TRPC7: variants seen among roughly 807,000 people sequenced by gnomAD.
The protein encoded by TRPC7 is transient receptor potential cation channel subfamily C member 7.
A neutral mutation model predicts 90.1 loss-of-function variants in TRPC7; 42 were observed. The ratio of observed to expected loss-of-function variants is 0.47; its 90% confidence interval spans 0.36 to 0.60. The LOEUF (loss-of-function observed/expected upper bound fraction) is 0.60, where lower values mean the gene tolerates loss of function less well. Ranked by LOEUF, TRPC7 falls within the 20% of genes least tolerant of loss-of-function variation. The pLI is 0.00. For missense variants in TRPC7, 955 were observed against 1,112.3 expected (o/e 0.86, Z 2.01); for synonymous variants, 451 against 436.3 (o/e 1.03, Z -0.42).
In TRPC7 at chr5:136,216,309, G is replaced by A. The variant is rs147290355; in HGVS notation, c.2344-34C>T. On this transcript the variant is annotated intron_variant, in intron 10 of 11. Transcript: ENST00000513104. ...CCAAGCAAGGAAGGGATCAGACAGGGCTGGCCTAATGCAGAGGCAGCCTGC... is the reference window on the plus strand; with the variant it reads ...CCAAGCAAGGAAGGGATCAGACAGGACTGGCCTAATGCAGAGGCAGCCTGC... The A allele has an allele frequency of 8.5e-3, 13,376 of 1,575,438 alleles. 68 individuals carry two copies. The highest frequency in any genetic ancestry group is 0.01 in the Non-Finnish European group (11,524 of 1,151,444).
chr5:136,256,541 C>T (rs1198382167), intron 5 of TRPC7, among the ~76,000 whole-genome samples: 1 of 140,786 alleles, frequency 7.1e-6, no homozygotes, highest in Non-Finnish European at 1.6e-5. Context: ...CATATCCTTA[C>T]CCAGTATTCC....
At chr5:136,331,636 A>G (rs914838015) in intron 2 of TRPC7, among the ~76,000 whole-genome samples, 3 of 152,208 alleles carry the variant, frequency 2.0e-5, no homozygotes, top group African/African-American at 7.2e-5. Context: ...AAAGCTTGAG[A>G]GGTTTCCAGA....
rs553050414 is a variant in TRPC7 at position 136,247,556 on chromosome 5, T to A, written c.1759A>T (p.Ile587Phe). The change falls in exon 7 of 12, where the codon ATC becomes TTC. Residue 587 changes from isoleucine to phenylalanine, a missense_variant. Ile to Phe is a conservative substitution (Grantham distance 21). Around this residue, in one of 4 missense-constraint regions of TRPC7, gnomAD observed 296 missense variants for 422.7 expected, o/e 0.70. Coordinates refer to ENST00000513104, the MANE Select transcript of TRPC7 (RefSeq NM_020389.3). This position sits in a 1 kb window ranked among gnomAD's most constrained non-coding sequence, Gnocchi z 4.2. ...ATCATGAAGGCCACAAATACCATGATGAAAATGACCATGAACTTGAAGATA... is the reference window on the plus strand; with the variant it reads ...ATCATGAAGGCCACAAATACCATGAAGAAAATGACCATGAACTTGAAGATA... ...KDIFKFMVIF[I>F]MVFVAFMIGM... 1 of 1,613,840 alleles carries A rather than the reference T, an allele frequency of 6.2e-7. No individual in the cohort carries two copies. Among genetic ancestry groups the A allele is most frequent in the Admixed American group, 1.7e-5 (1 of 60,000 alleles).
chr5:136,260,401 C>T (rs538456736), intron 5 of TRPC7, among the ~76,000 whole-genome samples: 47 of 152,136 alleles, frequency 3.1e-4, no homozygotes, highest in African/African-American at 1.0e-3. Flanking sequence ...GTTGAAAGGC[C>T]TCACTCTGCG....
At chr5:136,253,179 C>T (rs1187026792) in intron 5 of TRPC7, among the ~76,000 whole-genome samples, 1 of 152,138 alleles carries the variant, frequency 6.6e-6, no homozygotes, top group Non-Finnish European at 1.5e-5. Context: ...TTGTTAATTT[C>T]ACCTATTTGT....
At chr5:136,278,911 G>A (rs944321547) in intron 3 of TRPC7, among the ~76,000 whole-genome samples, 5 of 151,910 alleles carry the variant, frequency 3.3e-5, no homozygotes, top group East Asian at 1.9e-4. Flanking sequence ...CCCCTGACTC[G>A]TCTTCCACTT....
intron 4 of TRPC7, among the ~76,000 whole-genome samples, chr5:136,274,227 A>G (rs1422757678): frequency 6.6e-6 from 1 of 152,208 alleles, no homozygotes. Context: ...TTCATAAAGC[A>G]TACATGTCAT....
At chr5:136,289,362 A>G (rs1318759666) in intron 3 of TRPC7, among the ~76,000 whole-genome samples, 1 of 152,240 alleles carries the variant, frequency 6.6e-6, no homozygotes, top group Non-Finnish European at 1.5e-5. Flanking sequence ...TCACCTGGGA[A>G]GTGCAAGGAG....
At chr5:136,338,825 T>C (rs1759749936) in intron 2 of TRPC7, among the ~76,000 whole-genome samples, 1 of 152,126 alleles carries the variant, frequency 6.6e-6, no homozygotes, top group African/African-American at 2.4e-5. Context: ...TTATAACTCA[T>C]GGGCTGTTGG....
chr5:136,362,564 G>A (rs569161975), intron 1 of TRPC7, among the ~76,000 whole-genome samples: 1 of 152,208 alleles, frequency 6.6e-6, no homozygotes, highest in South Asian at 2.1e-4. Context: ...CTATTACATG[G>A]TTTAGGTGCT....
intron 1 of TRPC7, among the ~76,000 whole-genome samples, chr5:136,362,876 A>G (rs1381412296): frequency 6.6e-6 from 1 of 151,950 alleles, no homozygotes; most frequent in Non-Finnish European, 1.5e-5. Context: ...GGTGCCCTGT[A>G]CTCCTGATGC....
At chr5:136,308,003 T>C (rs1758702667) in intron 3 of TRPC7, among the ~76,000 whole-genome samples, 1 of 152,174 alleles carries the variant, frequency 6.6e-6, no homozygotes, top group African/African-American at 2.4e-5. Flanking sequence ...CTAAACCAGA[T>C]GACTAGCAAG....
intron 4 of TRPC7, among the ~76,000 whole-genome samples, chr5:136,273,812 T>A (rs1362139465): frequency 6.6e-6 from 1 of 152,234 alleles, no homozygotes; most frequent in Admixed American, 6.5e-5. Flanking sequence ...GTGACAATCT[T>A]AAACCCATGA....
chr5:136,248,330 A>T (rs1756411406), intron 6 of TRPC7, among the ~76,000 whole-genome samples: 1 of 152,254 alleles, frequency 6.6e-6, no homozygotes. Context: ...ATTATGGATA[A>T]TATCCATTTC....
chr5:136,269,538 G>GT (rs1283952259), intron 4 of TRPC7, among the ~76,000 whole-genome samples: 1 of 152,192 alleles, frequency 6.6e-6, no homozygotes, highest in Non-Finnish European at 1.5e-5. Flanking sequence ...ACTCAGAAAA[G>GT]GTTTCCAGCA....
chr5:136,255,652 A>G lies in TRPC7; in HGVS notation c.1346-3770T>C, dbSNP rs74349893. On this transcript the variant is annotated intron_variant, in intron 5 of 11. Transcript: ENST00000513104. ...AAACTGAACTTGCAATATCCTTGAG[A>G]TATGCCTGTATTAAAATGTAACTAT... 8.1e-3 allele frequency among the ~76,000 whole-genome samples: 1,228 copies of G among 152,344 alleles called. 15 individuals are homozygous for G. Among genetic ancestry groups the G allele is most frequent in the African/African-American group, 0.021 (865 of 41,580 alleles).
At chr5:136,272,747 C>A (rs920310593) in intron 4 of TRPC7, among the ~76,000 whole-genome samples, 3 of 152,110 alleles carry the variant, frequency 2.0e-5, no homozygotes, top group Non-Finnish European at 1.5e-5. Flanking sequence ...GGTGAGGAAA[C>A]CCCTGTTATG....
At chr5:136,308,374 TCC>T (rs1758714912) in intron 3 of TRPC7, among the ~76,000 whole-genome samples, 1 of 152,236 alleles carries the variant, frequency 6.6e-6, no homozygotes, top group Non-Finnish European at 1.5e-5. Context: ...CTACCAGGCA[TCC>T]TGCAGTGCAG....
At chr5:136,259,286 A>G (rs1033065548) in intron 5 of TRPC7, among the ~76,000 whole-genome samples, 12 of 152,216 alleles carry the variant, frequency 7.9e-5, no homozygotes, top group Non-Finnish European at 1.5e-4. Flanking sequence ...CTTGTTGTCC[A>G]CTGTGCTGTC....
Sources: gnomAD v4.1 joint callset for allele counts (sites outside exome capture counted in the v4.1 genomes callset) on GRCh38, gnomAD v4.1.1 for gene constraint, gnomAD v4.1.1 regional missense constraint, Gnocchi (gnomAD v3.1) non-coding constraint, MANE v1.5 for transcripts, NCBI Gene and HGNC (gene_info 2026-07-23, HGNC 2026-07-21) for gene names.